Variants in NXN observed in about 807,000 individuals in gnomAD.
NXN encodes the protein nucleoredoxin.
Under a neutral mutation model 48.6 loss-of-function variants are expected in NXN, and 16 were observed. The observed-to-expected ratio is 0.33, with a 90% CI of 0.22 to 0.50. The LOEUF (loss-of-function observed/expected upper bound fraction) is 0.50, where lower values mean the gene tolerates loss of function less well. NXN is among the 20% of genes least tolerant of loss of function. The pLI, the probability that NXN is intolerant of heterozygous loss-of-function variation, is 0.98. For missense variants in NXN, 492 were observed against 605.5 expected (o/e 0.81, Z 1.97); for synonymous variants, 281 against 269.6 (o/e 1.04, Z -0.41).
At chr17:864,015 C>T (rs1379489266) in intron 1 of NXN, 24 of 1,535,002 alleles carry the variant, frequency 1.6e-5, no homozygotes, top group East Asian at 9.8e-5. Context: ...ACACAGTTAC[C>T]GTTGCTGGGT....
chr17:833,562 A>AT (rs1221108634), intron 1 of NXN, among the ~76,000 whole-genome samples: 1 of 152,164 alleles, frequency 6.6e-6, no homozygotes, highest in African/African-American at 2.4e-5. Context: ...TTTCATAGTC[A>AT]TTTTTGGGTC....
intron 1 of NXN, among the ~76,000 whole-genome samples, chr17:896,336 A>G (rs7210424): frequency 0.25 from 33,978 of 137,518 alleles, 4,397 homozygotes; most frequent in African/African-American, 0.38. Flanking sequence ...GCAAAACTCC[A>G]TCTCAAAAAA....
chr17:842,097 T>C (rs1260068086), intron 1 of NXN, among the ~76,000 whole-genome samples: 3 of 152,064 alleles, frequency 2.0e-5, no homozygotes, highest in East Asian at 1.9e-4. Flanking sequence ...GATCCCGCCA[T>C]TGCACTCCAG....
intron 1 of NXN, among the ~76,000 whole-genome samples, chr17:948,864 G>A (rs76201188): frequency 1.8e-4 from 1 of 5,628 alleles, no homozygotes; most frequent in African/African-American, 5.8e-4. Flanking sequence ...CTCTCCCCGC[G>A]GCCTCCTCCT....
chr17:952,288 G>A (rs1425211571), intron 1 of NXN, among the ~76,000 whole-genome samples: 1 of 582 alleles, frequency 1.7e-3, no homozygotes, highest in Non-Finnish European at 3.7e-3. Context: ...CAGGTACCAC[G>A]GACGGTCACA....
Position 889,757 on chromosome 17 carries a change from A to AG in NXN, c.361-63680_361-63679insC, listed in dbSNP as rs1203974539. ...AAAGAAAGAAAGAAAGAAAGAAAGA[A>AG]AGAAAAAGAAAGAAAGAAAAGAGAG... On this transcript the variant is annotated intron_variant, in intron 1 of 7. Transcript: ENST00000336868. Among the ~76,000 whole-genome samples, 78 of 13,764 alleles carry AG rather than the reference A, an allele frequency of 5.7e-3. 2 individuals are homozygous for AG. The highest frequency in any genetic ancestry group is 0.031 in the African/African-American group (76 of 2,476). 9.0% of individuals were successfully genotyped at this position (13,764 alleles called of 152,430 possible). A position where few individuals can be genotyped will look rare whatever the true frequency, so the allele number is the denominator to read the frequency against.
rs551667657 is a variant in NXN, at chr17:822,541, G to A, written c.613-84C>T. ...TCACCATCCAAGGCCGGGTTAGCAG[G>A]ACTCAAGCAGGACTGGGACAGCAAA... On this transcript the variant is annotated intron_variant, in intron 3 of 7. Transcript: ENST00000336868. The A allele has an allele frequency of 1.6e-4, 151 of 971,906 alleles. 1 individual carries two copies. Among genetic ancestry groups the A allele is most frequent in the Admixed American group, 1.4e-3 (74 of 51,844 alleles). The allele number at this position is 971,906 out of a possible 1,614,324, so 60.2% of individuals were successfully genotyped here. A position where few individuals can be genotyped will look rare whatever the true frequency, so the allele number is the denominator to read the frequency against.
At chr17:863,712 C>T (rs2068065107) in intron 1 of NXN, among the ~76,000 whole-genome samples, 1 of 152,198 alleles carries the variant, frequency 6.6e-6, no homozygotes, top group Admixed American at 6.5e-5. Context: ...ATCCTCCTGC[C>T]TCAACCTCCC....
chr17:915,286 T>C (rs909051721), intron 1 of NXN, among the ~76,000 whole-genome samples: 2 of 151,966 alleles, frequency 1.3e-5, no homozygotes, highest in South Asian at 2.1e-4. Context: ...GCATGACCTC[T>C]AGGAATTCTT....
intron 1 of NXN, among the ~76,000 whole-genome samples, chr17:828,598 C>T (rs1482776559): frequency 1.3e-5 from 2 of 151,672 alleles, no homozygotes; most frequent in Admixed American, 6.6e-5. Flanking sequence ...GATAGGGTTT[C>T]GCCACATTGG....
rs538428068 is a variant in NXN at position 817,292 on chromosome 17, C to T, written c.820+2147G>A. On this transcript the variant is annotated intron_variant, in intron 5 of 7. Transcript: ENST00000336868. ...GTACTTGGGATTGAGAAGCACCAAT[C>T]TAAAATTAAATATTATTTTTTTTAA... Among the ~76,000 whole-genome samples, 113 of 152,238 alleles carry T rather than the reference C, an allele frequency of 7.4e-4. 1 individual carries two copies. Among genetic ancestry groups the T allele is most frequent in the Admixed American group, 1.2e-3 (18 of 15,280 alleles).
intron 1 of NXN, among the ~76,000 whole-genome samples, chr17:845,743 C>T (rs983836023): frequency 7.2e-5 from 11 of 152,362 alleles, no homozygotes; most frequent in African/African-American, 2.6e-4. Flanking sequence ...CATTTTCACA[C>T]ATTTGTCATG....
chr17:808,089 C>T (rs1911678993), intron 5 of NXN, among the ~76,000 whole-genome samples: 1 of 152,116 alleles, frequency 6.6e-6, no homozygotes, highest in Non-Finnish European at 1.5e-5. Context: ...TGCTGCTCTT[C>T]CTGCCAGGCC....
chr17:824,109 A>T (rs684337), intron 2 of NXN, among the ~76,000 whole-genome samples: 1 of 149,382 alleles, frequency 6.7e-6, no homozygotes, highest in African/African-American at 2.5e-5. Flanking sequence ...GCGCAATCTC[A>T]GCTCACTGCA....
intron 6 of NXN, 48 bp downstream of exon 6, chr17:805,020 T>TCCCCCCCC: frequency 9.9e-6 from 15 of 1,512,862 alleles, no homozygotes; most frequent in Admixed American, 2.0e-5. Flanking sequence ...GCCCCTCCTG[T>TCCCCCCCC]CCCGCCCCCC....
At chr17:897,328 A>G (rs537122) in intron 1 of NXN, among the ~76,000 whole-genome samples, 44,444 of 152,140 alleles carry the variant, frequency 0.29, 6,772 homozygotes, top group African/African-American at 0.39. Flanking sequence ...TCACTGAAAC[A>G]AAGCCAGCAT....
rs1428995844 is a variant in NXN at position 978,871 on chromosome 17, C to A, written c.360+448G>T. ...CCCTCCCCTCCCCACTGTGGGAATC[C>A]GCGGGGGTCGGCGGCGGAGGCAGGA... On this transcript the variant is annotated intron_variant, in intron 1 of 7. Coordinates refer to ENST00000336868, the MANE Select transcript of NXN (RefSeq NM_022463.5). The surrounding 1 kb of genome is among the most constrained non-coding windows in gnomAD (Gnocchi z 4.1). Among the ~76,000 whole-genome samples the A allele has an allele frequency of 6.6e-6, 1 of 151,240 alleles. No homozygotes were observed. The highest frequency in any genetic ancestry group is 1.5e-5 in the Non-Finnish European group (1 of 67,730).
intron 1 of NXN, among the ~76,000 whole-genome samples, chr17:918,701 G>A (rs550864126): frequency 2.7e-5 from 4 of 150,518 alleles, no homozygotes; most frequent in South Asian, 4.2e-4. Context: ...GCTGAGGCAC[G>A]AGAATCGCTT....
At chr17:810,747 G>A (rs1191448042) in intron 5 of NXN, among the ~76,000 whole-genome samples, 4 of 151,968 alleles carry the variant, frequency 2.6e-5, no homozygotes, top group Non-Finnish European at 5.9e-5. Context: ...AAATTAGCTG[G>A]GCGTGGTAGC....
Sources: allele counts gnomAD v4.1 joint callset (sites outside exome capture counted in the v4.1 genomes callset), GRCh38; gene constraint gnomAD v4.1.1; non-coding constraint Gnocchi (gnomAD v3.1); transcripts MANE v1.5; gene names NCBI Gene and HGNC (gene_info 2026-07-23, HGNC 2026-07-21).